GASK1A: variants seen among roughly 807,000 people sequenced by gnomAD.
The protein encoded by GASK1A is golgi associated kinase 1A, also known as Golgi-associated kinase 1A.
Under a neutral mutation model 41.2 loss-of-function variants are expected in GASK1A, and 40 were observed. The observed-to-expected ratio is 0.97, with a 90% CI of 0.75 to 1.27. The LOEUF (loss-of-function observed/expected upper bound fraction) is 1.27, where lower values mean the gene tolerates loss of function less well. Ranked by LOEUF, GASK1A falls within the 50% of genes most tolerant of loss-of-function variation. The pLI is 0.00. For missense variants in GASK1A, 678 were observed against 745.1 expected, an observed-to-expected ratio of 0.91 and a Z score of 1.05; for synonymous variants, 316 against 307.1, an observed-to-expected ratio of 1.03 and a Z score of -0.30.
chr3:43,001,629 G>A (rs2089409437), intron 1 of GASK1A, among the ~76,000 whole-genome samples: 1 of 152,124 alleles, frequency 6.6e-6, no homozygotes, highest in African/African-American at 2.4e-5. Flanking sequence ...CAAGATGAGG[G>A]GCTATGGCTA....
rs1165834311 is a variant in GASK1A, at chr3:43,040,888, C to T, written c.1290+7335C>T. ...CCAATGCTATCCCTCCCCCCCGCCACAACAGTCCGCAGAGTGTGATGTTCC... is the reference window on the plus strand; with the variant it reads ...CCAATGCTATCCCTCCCCCCCGCCATAACAGTCCGCAGAGTGTGATGTTCC... On this transcript the variant is annotated intron_variant, in intron 2 of 4. Transcript: ENST00000430121. Among the ~76,000 whole-genome samples, 9 of 141,722 alleles carry T rather than the reference C, an allele frequency of 6.4e-5. 1 individual carries two copies. The highest frequency in any genetic ancestry group is 9.4e-5 in the Non-Finnish European group (6 of 63,580). 93.0% of individuals were successfully genotyped at this position (141,722 alleles called of 152,430 possible). A position where few individuals can be genotyped will look rare whatever the true frequency, so the allele number is the denominator to read the frequency against.
rs1303261425 is a variant in GASK1A, at chr3:43,033,087, G to A, written c.824G>A (p.Gly275Glu). 2 of 1,551,608 alleles carry A rather than the reference G, an allele frequency of 1.3e-6. No homozygotes were observed. The highest frequency in any genetic ancestry group is 1.2e-5 in the South Asian group (1 of 84,066). ...CAGATGCTCCGTCTGTTGGCACAGG[G>A]GGAGGTGGTGGACAAAGCCAGGGTC... ...DVQMLRLLAQ[G>E]EVVDKARVPA... is the part of the protein sequence containing the mutation. The change falls in exon 2 of 5, where the codon GGG (glycine) becomes GAG (glutamate). Residue 275 changes from glycine (G) to glutamate (E), a missense_variant. Transcript: ENST00000430121.
chr3:43,042,836 C>A (rs1367562834), intron 2 of GASK1A, among the ~76,000 whole-genome samples: 1 of 152,186 alleles, frequency 6.6e-6, no homozygotes, highest in Non-Finnish European at 1.5e-5. Flanking sequence ...AGGCTTCTGG[C>A]CCTGGGCTTG....
chr3:43,040,821 C>T (rs996051870), intron 2 of GASK1A, among the ~76,000 whole-genome samples: 8 of 149,302 alleles, frequency 5.4e-5, no homozygotes, highest in South Asian at 2.1e-4. Flanking sequence ...CATGCTGGTG[C>T]GCTGCACCCA....
At chr3:42,987,161 A>G (rs1269176258) in intron 1 of GASK1A, among the ~76,000 whole-genome samples, 1 of 152,266 alleles carries the variant, frequency 6.6e-6, no homozygotes, top group African/African-American at 2.4e-5. Context: ...GCACACCTGA[A>G]CAAAGGGGCA....
rs1175872187 is a variant in GASK1A at position 43,056,508 on chromosome 3, A to G, written c.*122A>G. 8 of 848,260 alleles carry G rather than the reference A, an allele frequency of 9.4e-6. No homozygotes were observed. The highest frequency in any genetic ancestry group is 1.4e-5 in the Non-Finnish European group (8 of 561,940). The allele number at this position is 848,260 out of a possible 1,614,324, so 52.5% of individuals were successfully genotyped here. ...GAGGGGCACAAGGATGTCACGGGATATTTCACCTGCCTGGGATGGTGGAGG... is the reference window on the plus strand; with the variant it reads ...GAGGGGCACAAGGATGTCACGGGATGTTTCACCTGCCTGGGATGGTGGAGG... On this transcript the variant is annotated 3_prime_UTR_variant, in exon 5 of 5. Transcript: ENST00000430121.
intron 1 of GASK1A, among the ~76,000 whole-genome samples, chr3:43,004,329 T>C (rs1315568560): frequency 6.6e-6 from 1 of 152,236 alleles, no homozygotes; most frequent in Non-Finnish European, 1.5e-5. Flanking sequence ...ACTTCTCACC[T>C]AGCAGTTGAG....
At chr3:43,037,144 G>T in intron 2 of GASK1A, 1 of 992,924 alleles carries the variant, frequency 1.0e-6, no homozygotes, top group South Asian at 1.5e-5. Context: ...ATTCAGGGCA[G>T]ACCTCCTTAT....
At chr3:43,045,317 G>A (rs565694459) in intron 2 of GASK1A, among the ~76,000 whole-genome samples, 39 of 152,092 alleles carry the variant, frequency 2.6e-4, no homozygotes, top group Non-Finnish European at 5.4e-4. Flanking sequence ...CTTTGGCACA[G>A]AGCTTGGTGT....
intron 1 of GASK1A, among the ~76,000 whole-genome samples, chr3:43,030,704 C>T (rs1011649137): frequency 6.6e-6 from 1 of 152,188 alleles, no homozygotes; most frequent in African/African-American, 2.4e-5. Flanking sequence ...TATCACAAGC[C>T]CATGCTCCCA....
chr3:43,025,283 A>T (rs2089541566), intron 1 of GASK1A, among the ~76,000 whole-genome samples: 1 of 152,144 alleles, frequency 6.6e-6, no homozygotes, highest in Non-Finnish European at 1.5e-5. Flanking sequence ...TTTAGGAGGA[A>T]AAATTTGCAA....
rs2089579168 is a variant in GASK1A at position 43,032,262 on chromosome 3, C to T, written c.4-5C>T. Reference sequence around the variant, plus strand: ...TCAAGCTTTTCTTTCTACCCTGTCTCTCAGGCGTCTTGGCTCCGGAGAAAG... The same window carrying T: ...TCAAGCTTTTCTTTCTACCCTGTCTTTCAGGCGTCTTGGCTCCGGAGAAAG... On this transcript the variant is annotated splice_region_variant and splice_polypyrimidine_tract_variant and intron_variant, in intron 1 of 4. Coordinates refer to ENST00000430121, the MANE Select transcript of GASK1A (RefSeq NM_001129908.3). 3 of 1,512,596 alleles carry T rather than the reference C, an allele frequency of 2.0e-6. No individual in the cohort carries two copies. Among genetic ancestry groups the T allele is most frequent in the Non-Finnish European group, 2.7e-6 (3 of 1,121,540 alleles). 93.7% of individuals were successfully genotyped at this position (1,512,596 alleles called of 1,614,324 possible).
At chr3:42,986,533 T>C (rs1393195110) in intron 1 of GASK1A, among the ~76,000 whole-genome samples, 1 of 152,128 alleles carries the variant, frequency 6.6e-6, no homozygotes, top group African/African-American at 2.4e-5. Flanking sequence ...GAATAGCACA[T>C]GCAAAACCCC....
intron 1 of GASK1A, among the ~76,000 whole-genome samples, chr3:43,006,826 C>T (rs1198314491): frequency 6.6e-6 from 1 of 152,336 alleles, no homozygotes; most frequent in African/African-American, 2.4e-5. Context: ...GCTGCTGCTA[C>T]AGGCAATTGA....
intron 1 of GASK1A, among the ~76,000 whole-genome samples, chr3:42,996,884 T>C (rs2089377639): frequency 1.3e-5 from 2 of 152,250 alleles, no homozygotes; most frequent in African/African-American, 4.8e-5. Context: ...GCCTCAGGAC[T>C]TGTGGTCTCC....
At chr3:43,046,051 A>G (rs2125690883) in intron 2 of GASK1A, among the ~76,000 whole-genome samples, 1 of 152,328 alleles carries the variant, frequency 6.6e-6, no homozygotes. Flanking sequence ...ATGGACTAAT[A>G]CAGTAAATTG....
intron 1 of GASK1A, among the ~76,000 whole-genome samples, chr3:43,021,570 T>C (rs1233417624): frequency 6.6e-6 from 1 of 152,164 alleles, no homozygotes; most frequent in Non-Finnish European, 1.5e-5. Flanking sequence ...GGACAGAAAA[T>C]CCCGGATCCC....
At chr3:43,040,462 T>G (rs2089630494) in intron 2 of GASK1A, among the ~76,000 whole-genome samples, 1 of 152,140 alleles carries the variant, frequency 6.6e-6, no homozygotes, top group Admixed American at 6.5e-5. Context: ...TCTTGTGTAC[T>G]TTTTTGCTTG....
At chr3:43,014,558 G>A (rs1328045021) in intron 1 of GASK1A, among the ~76,000 whole-genome samples, 1 of 151,038 alleles carries the variant, frequency 6.6e-6, no homozygotes, top group Admixed American at 6.6e-5. Flanking sequence ...AGTGGCTGTG[G>A]GAAGTTGCAG....
Sources: gnomAD v4.1 joint callset for allele counts (sites outside exome capture counted in the v4.1 genomes callset) on GRCh38, gnomAD v4.1.1 for gene constraint, MANE v1.5 for transcripts, NCBI Gene and HGNC (gene_info 2026-07-23, HGNC 2026-07-21) for gene names.